PFKFB3: variants seen among roughly 807,000 people sequenced by gnomAD.
PFKFB3 encodes 6-phosphofructo-2-kinase/fructose-2,6-bisphosphatase 3.
PFKFB3 carries 33 observed loss-of-function variants against 68.0 expected under a neutral mutation model. The ratio of observed to expected loss-of-function variants is 0.49; its 90% CI spans 0.37 to 0.65. The LOEUF is 0.65. Among genes scored for constraint, PFKFB3 ranks in the 30% least tolerant of loss-of-function variants. The probability of loss-of-function intolerance (pLI) is 0.00; values close to 1 mark genes in which losing one functional copy is unlikely to be tolerated. For synonymous variants in PFKFB3, 315 were observed against 288.2 expected (o/e 1.09, Z -0.94); for missense variants, 586 against 712.2 (o/e 0.82, Z 2.02).
chr10:6,257,625 G>A (rs111884437), downstream of PFKFB3, among the ~76,000 whole-genome samples: 43 of 152,296 alleles, frequency 2.8e-4, no homozygotes, highest in African/African-American at 9.4e-4. Flanking sequence ...TCCACTAATA[G>A]GAGGTTGGTT....
intron 1 of PFKFB3, chr10:6,146,336 A>T (rs1377708866): frequency 6.5e-7 from 1 of 1,529,124 alleles, no homozygotes; most frequent in East Asian, 2.5e-5. Flanking sequence ...CCTGGCGGTG[A>T]AGGGGGTGGC....
chr10:6,312,374 T>C, the PFKFB3 span, among the ~76,000 whole-genome samples: 1 of 152,162 alleles, frequency 6.6e-6, no homozygotes, highest in Admixed American at 6.5e-5. Context: ...CTCACCACTG[T>C]CTCTCCATCT....
chr10:6,245,524 C>T (rs1277921963), intron 14 of PFKFB3, among the ~76,000 whole-genome samples: 1 of 152,000 alleles, frequency 6.6e-6, no homozygotes, highest in Non-Finnish European at 1.5e-5. Flanking sequence ...TCAAGGGATC[C>T]TCCGTCCTCA....
At chr10:6,277,362 A>C in the PFKFB3 span, among the ~76,000 whole-genome samples, 1 of 151,564 alleles carries the variant, frequency 6.6e-6, no homozygotes, top group African/African-American at 2.4e-5. Context: ...CTGGGATTAC[A>C]GGTGCACACC....
chr10:6,199,964 C>T (rs1843282218), upstream of PFKFB3, among the ~76,000 whole-genome samples: 1 of 151,798 alleles, frequency 6.6e-6, no homozygotes, highest in African/African-American at 2.4e-5. Context: ...GTTAGGGTGG[C>T]CCTATAATGA....
intron 1 of PFKFB3, among the ~76,000 whole-genome samples, chr10:6,147,224 G>T (rs77273023): frequency 4.6e-5 from 7 of 152,354 alleles, no homozygotes; most frequent in Non-Finnish European, 7.3e-5. Flanking sequence ...GGAGACGCCA[G>T]TGCAGCTACT....
At chr10:6,232,511 T>C (rs960629091) in intron 14 of PFKFB3, among the ~76,000 whole-genome samples, 2 of 152,182 alleles carry the variant, frequency 1.3e-5, no homozygotes, top group Admixed American at 1.3e-4. Context: ...CTGTGTGTCC[T>C]TGGAGGCCCC....
chr10:6,319,475 A>G, the PFKFB3 span, among the ~76,000 whole-genome samples: 13,750 of 152,186 alleles, frequency 0.09, 1,543 homozygotes, highest in East Asian at 0.5. Context: ...TGGACATAGA[A>G]AGTAAAATAA....
upstream of PFKFB3, chr10:6,202,870 C>T (rs1843421152): frequency 1.1e-5 from 12 of 1,046,598 alleles, no homozygotes; most frequent in African/African-American, 5.1e-5. Context: ...CGCCCCGAGG[C>T]TGACGTACGC....
upstream of PFKFB3, among the ~76,000 whole-genome samples, chr10:6,200,686 T>TG (rs1564613520): frequency 1.0e-3 from 5 of 4,982 alleles, no homozygotes; most frequent in African/African-American, 1.9e-3. Context: ...CGGGGGGTGG[T>TG]GGTGGGGCGG....
chr10:6,315,766 G>A, the PFKFB3 span, among the ~76,000 whole-genome samples: 511 of 152,336 alleles, frequency 3.4e-3, 1 homozygote, highest in Non-Finnish European at 6.1e-3. Flanking sequence ...GATTATAGGC[G>A]TGAACCACCA....
intron 14 of PFKFB3, among the ~76,000 whole-genome samples, chr10:6,242,410 C>T (rs1846159502): frequency 6.6e-6 from 1 of 152,132 alleles, no homozygotes; most frequent in South Asian, 2.1e-4. Context: ...GGCCAGGGTA[C>T]ACCATCACCC....
At chr10:6,217,772 T>A (rs964055049) in intron 6 of PFKFB3, among the ~76,000 whole-genome samples, 1 of 152,204 alleles carries the variant, frequency 6.6e-6, no homozygotes, top group South Asian at 2.1e-4. Context: ...TGTTACCACT[T>A]GATAGCAATA....
Position 6,232,877 on chromosome 10 carries a change from CTT to C in PFKFB3, c.1516-15_1516-14del, listed in dbSNP as rs1564222095. The C allele has an allele frequency of 8.1e-6, 13 of 1,609,004 alleles. No individual in the cohort carries two copies. In the South Asian group the frequency reaches 1.4e-4, roughly 18 times the overall value. Reference sequence around the variant, plus strand: ...AAATCCTAACTCCCTCCCCACCTCTCTTTTCTCCTGAAAACAGAACATGAAAG... The same window carrying C: ...AAATCCTAACTCCCTCCCCACCTCTCTTCTCCTGAAAACAGAACATGAAAG... On this transcript the variant is annotated splice_polypyrimidine_tract_variant and intron_variant, in intron 14 of 14. Coordinates refer to ENST00000379775, the MANE Select transcript of PFKFB3 (RefSeq NM_004566.4).
intron 1 of PFKFB3, among the ~76,000 whole-genome samples, chr10:6,158,102 G>C (rs1440753839): frequency 2.6e-5 from 4 of 151,576 alleles, no homozygotes; most frequent in Non-Finnish European, 4.4e-5. Flanking sequence ...TGGCTAACAT[G>C]GTGAAACCCT....
At chr10:6,271,595 ACT>A in the PFKFB3 span, among the ~76,000 whole-genome samples, 3,550 of 152,210 alleles carry the variant, frequency 0.023, 89 homozygotes, top group Admixed American at 0.08. Flanking sequence ...CTGGTTCAGT[ACT>A]CTCTAGGTGT....
chr10:6,325,187 C>T, the PFKFB3 span, among the ~76,000 whole-genome samples: 6 of 152,176 alleles, frequency 3.9e-5, no homozygotes, highest in Non-Finnish European at 7.4e-5. Flanking sequence ...TGGTCTCAAA[C>T]TCCTGGACCC....
At chr10:6,322,751 C>A in the PFKFB3 span, among the ~76,000 whole-genome samples, 1 of 152,238 alleles carries the variant, frequency 6.6e-6, no homozygotes, top group Non-Finnish European at 1.5e-5. Context: ...GCAGAAATTT[C>A]TCATCTCTTG....
At chr10:6,199,643 C>T (rs954126382), upstream of PFKFB3, among the ~76,000 whole-genome samples, 1 of 143,206 alleles carries the variant, frequency 7.0e-6, no homozygotes, top group African/African-American at 2.8e-5. Context: ...AGCCACCATG[C>T]CCAGCTATTT....
Sources: gnomAD v4.1 joint callset for allele counts (sites outside exome capture counted in the v4.1 genomes callset) on GRCh38, gnomAD v4.1.1 for gene constraint, MANE v1.5 for transcripts, NCBI Gene and HGNC (gene_info 2026-07-23, HGNC 2026-07-21) for gene names.